Variants in USP48 observed in about 807,000 individuals in gnomAD.
USP48 encodes the protein ubiquitin specific peptidase 48.
A neutral mutation model predicts 150.7 loss-of-function variants in USP48; 43 were observed. That is an observed-to-expected ratio of 0.29 (90% CI 0.22 to 0.37). The LOEUF is 0.37. USP48 is among the 10% of genes least tolerant of loss of function. The pLI, the probability that USP48 is intolerant of heterozygous loss-of-function variation, is 1.00. For missense variants in USP48, 813 were observed against 1,249.6 expected, an observed-to-expected ratio of 0.65 and a Z score of 5.27; for synonymous variants, 396 against 425.9, an observed-to-expected ratio of 0.93 and a Z score of 0.86.
rs111624320 is a variant in USP48 at position 21,729,774 on chromosome 1, A to G, written c.1230T>C (p.Ser410=). The G allele has an allele frequency of 6.2e-7, 1 of 1,614,158 alleles. No homozygotes were observed. The highest frequency in any genetic ancestry group is 1.7e-5 in the Admixed American group (1 of 60,024). ...TATAAACCAACATATATGCATTTCG[A>G]GAGCAATGAGTTCCTTTGCCACACT... ...KPKCGKGTHC[S]RNAYMLVYRL... Residue 410 remains serine (S), a synonymous_variant, in exon 10 of 27, where the codon TCT becomes TCC. Transcript: ENST00000308271.
At chr1:21,755,611 T>A (rs1404860771) in intron 3 of USP48, among the ~76,000 whole-genome samples, 4 of 152,022 alleles carry the variant, frequency 2.6e-5, no homozygotes, top group Admixed American at 6.6e-5. Context: ...GTAGCTTCTG[T>A]CTTCTAATCA....
At chr1:21,721,891 C>T (rs973231627) in intron 12 of USP48, 127 bp from the exon 13 acceptor site, 8 of 560,296 alleles carry the variant, frequency 1.4e-5, no homozygotes, top group Admixed American at 7.4e-5. Flanking sequence ...GGCAATATGG[C>T]AAATTGGTAT....
At chr1:21,732,424 C>T (rs2097759211) in intron 9 of USP48, among the ~76,000 whole-genome samples, 1 of 152,108 alleles carries the variant, frequency 6.6e-6, no homozygotes, top group Admixed American at 6.6e-5. Flanking sequence ...CAGTTGACTC[C>T]CACGTCACAA....
chr1:21,763,307 T>A (rs1268074133), intron 1 of USP48, among the ~76,000 whole-genome samples: 1 of 152,172 alleles, frequency 6.6e-6, no homozygotes, highest in South Asian at 2.1e-4. Context: ...TGACCTGTGA[T>A]AGACTACCAC....
chr1:21,736,808 GAC>G (rs1175945398), intron 8 of USP48, among the ~76,000 whole-genome samples, 183 bp from the exon 9 acceptor site: 1 of 152,002 alleles, frequency 6.6e-6, no homozygotes, highest in African/African-American at 2.4e-5. Flanking sequence ...CACTCTCTTA[GAC>G]ACACTCTGAA....
chr1:21,680,898 A>G, intron 25 of USP48, 64 bp from the exon 26 acceptor site: 1 of 1,285,886 alleles, frequency 7.8e-7, no homozygotes, highest in Admixed American at 2.3e-5. Context: ...CAGTAATATC[A>G]TTTCAATGCT....
intron 8 of USP48, among the ~76,000 whole-genome samples, chr1:21,744,777 T>TAAAAAAAAAAAAAAAAAA (rs10699993): frequency 1.7e-5 from 1 of 59,548 alleles, no homozygotes; most frequent in African/African-American, 7.0e-5. Context: ...ACTCTATCTC[T>TAAAAAAAAAAAAAAAAAA]AAAAAAAAAA....
intron 10 of USP48, among the ~76,000 whole-genome samples, chr1:21,729,055 C>T (rs1015661932): frequency 2.0e-5 from 3 of 152,062 alleles, no homozygotes; most frequent in South Asian, 4.1e-4. Flanking sequence ...AAGGCTGAGG[C>T]GGGTGGATCG....
chr1:21,684,753 T>C (rs2097576142), intron 25 of USP48, among the ~76,000 whole-genome samples: 1 of 152,236 alleles, frequency 6.6e-6, no homozygotes, highest in Non-Finnish European at 1.5e-5. Flanking sequence ...GTCTCATTTT[T>C]CTGCATATCG....
intron 22 of USP48, among the ~76,000 whole-genome samples, chr1:21,699,198 T>G (rs34211944): frequency 0.018 from 1,805 of 99,744 alleles, 17 homozygotes; most frequent in African/African-American, 0.045. Context: ...CCTAATTTTT[T>G]TTTTTTTTTT....
At chr1:21,733,735 C>T (rs557166164) in intron 9 of USP48, among the ~76,000 whole-genome samples, 1 of 151,974 alleles carries the variant, frequency 6.6e-6, no homozygotes, top group East Asian at 1.9e-4. Flanking sequence ...TTAAAAAAAC[C>T]CAGTAAAAAA....
Position 21,729,739 on chromosome 1 carries a change from G to A in USP48, c.1265C>T (p.Thr422Ile). The A allele has an allele frequency of 6.2e-7, 1 of 1,614,068 alleles. No homozygotes were observed. Among genetic ancestry groups the A allele is most frequent in the Non-Finnish European group, 8.5e-7 (1 of 1,179,974 alleles). The change falls in exon 10 of 27, where the codon ACT (threonine) becomes ATT (isoleucine). Residue 422 changes from threonine (T) to isoleucine (I), a missense_variant. Transcript: ENST00000308271. ...NAYMLVYRLQ[T>I]QEKPNTTVQV... ...AACAGTAGTGTTGGGCTTTTCTTGAGTTTGCAGTCTATAAACCAACATATA... is the reference window on the plus strand; with the variant it reads ...AACAGTAGTGTTGGGCTTTTCTTGAATTTGCAGTCTATAAACCAACATATA...
chr1:21,754,240 T>A (rs1004519072), intron 3 of USP48, among the ~76,000 whole-genome samples: 19 of 152,116 alleles, frequency 1.2e-4, no homozygotes, highest in African/African-American at 4.3e-4. Context: ...CCATATACAC[T>A]CCCCAAAGGC....
intron 22 of USP48, among the ~76,000 whole-genome samples, chr1:21,700,970 C>T (rs1017395986): frequency 2.1e-5 from 3 of 145,960 alleles, no homozygotes; most frequent in Non-Finnish European, 4.5e-5. Flanking sequence ...GAGGCTGAGG[C>T]AGGAGAATCA....
chr1:21,703,629 A>G lies in USP48; in HGVS notation c.2516-11T>C, dbSNP rs745852500. 3,871 of 1,443,142 alleles carry G rather than the reference A, an allele frequency of 2.7e-3. 15 individuals carry two copies. The highest frequency in any genetic ancestry group is 2.8e-3 in the Non-Finnish European group (3,034 of 1,075,040). 89.4% of individuals were successfully genotyped at this position (1,443,142 alleles called of 1,614,324 possible). Reference sequence around the variant, plus strand: ...ATTCTGGACAGAGTTCTTTGGGGGAAAAAAAAAAAGGGAAAACAGAAGTGG... The same window carrying G: ...ATTCTGGACAGAGTTCTTTGGGGGAGAAAAAAAAAGGGAAAACAGAAGTGG... On this transcript the variant is annotated splice_polypyrimidine_tract_variant and intron_variant, in intron 20 of 26. Transcript: ENST00000308271.
intron 3 of USP48, among the ~76,000 whole-genome samples, chr1:21,754,278 C>T (rs1468446157): frequency 6.6e-6 from 1 of 152,168 alleles, no homozygotes; most frequent in Non-Finnish European, 1.5e-5. Flanking sequence ...AAAGCAACAA[C>T]AGCAATCATG....
intron 22 of USP48, among the ~76,000 whole-genome samples, chr1:21,696,466 C>T (rs1026122049): frequency 6.6e-6 from 1 of 152,044 alleles, no homozygotes; most frequent in East Asian, 1.9e-4. Context: ...GGAAAGAAAG[C>T]GGGTGCGGAG....
intron 21 of USP48, among the ~76,000 whole-genome samples, chr1:21,702,388 AG>A (rs2097659682): frequency 6.6e-6 from 1 of 151,980 alleles, no homozygotes; most frequent in Non-Finnish European, 1.5e-5. Context: ...TCTACCCAAG[AG>A]CCATCCCTAA....
intron 11 of USP48, among the ~76,000 whole-genome samples, chr1:21,726,986 A>G (rs1018037444): frequency 6.6e-6 from 1 of 152,178 alleles, no homozygotes; most frequent in Non-Finnish European, 1.5e-5. Flanking sequence ...GATTTTGAAC[A>G]TGACACATTT....
Sources: gnomAD v4.1 joint callset for allele counts (sites outside exome capture counted in the v4.1 genomes callset) on GRCh38, gnomAD v4.1.1 for gene constraint, MANE v1.5 for transcripts, NCBI Gene and HGNC (gene_info 2026-07-23, HGNC 2026-07-21) for gene names.